DENND2A: variants seen among roughly 807,000 people sequenced by gnomAD.
DENND2A encodes the protein DENN domain containing 2A, also known as DENN domain-containing protein 2A.
Under a neutral mutation model 105.3 loss-of-function variants are expected in DENND2A, and 53 were observed. The ratio of observed to expected loss-of-function variants is 0.50; its 90% CI spans 0.40 to 0.63. DENND2A has a LOEUF of 0.63. Among genes scored for constraint, DENND2A ranks in the 30% least tolerant of loss-of-function variants. The pLI, the probability that DENND2A is intolerant of heterozygous loss-of-function variation, is 0.00. For missense variants in DENND2A, 1,138 were observed against 1,279.6 expected (o/e 0.89, Z 1.69); for synonymous variants, 522 against 508.4 (o/e 1.03, Z -0.36).
intron 2 of DENND2A, among the ~76,000 whole-genome samples, chr7:140,603,041 T>G (rs57570112): frequency 0.045 from 6,912 of 152,118 alleles, 325 homozygotes; most frequent in African/African-American, 0.12. Context: ...TCCCAGCACT[T>G]TGGGAGGCCG....
At chr7:140,533,184 G>C (rs1796328687) in intron 14 of DENND2A, among the ~76,000 whole-genome samples, 1 of 152,012 alleles carries the variant, frequency 6.6e-6, no homozygotes, top group Non-Finnish European at 1.5e-5. Context: ...GTAGAGACGG[G>C]ATTTCACCAT....
intron 3 of DENND2A, among the ~76,000 whole-genome samples, chr7:140,592,491 G>A (rs562494764): frequency 1.4e-4 from 21 of 152,182 alleles, no homozygotes; most frequent in Middle Eastern, 3.4e-3. Flanking sequence ...GATTACAGGT[G>A]AGAGCCACCA....
chr7:140,557,789 C>T (rs562324607), intron 11 of DENND2A, among the ~76,000 whole-genome samples: 118 of 151,150 alleles, frequency 7.8e-4, no homozygotes, highest in Admixed American at 1.5e-3. Context: ...CCGCCCGTCT[C>T]GGCCTCCCAA....
intron 1 of DENND2A, among the ~76,000 whole-genome samples, chr7:140,629,982 C>T (rs138827058): frequency 3.3e-5 from 5 of 151,916 alleles, no homozygotes; most frequent in African/African-American, 7.2e-5. Flanking sequence ...CTCAGCCTCC[C>T]GAGTAGCTGG....
At position 140,556,012 on chromosome 7, in the gene DENND2A, T is replaced by TTTTTG. The variant is rs538092279; in HGVS notation, c.1960-304_1960-300dup. On this transcript the variant is annotated intron_variant, in intron 11 of 19. Transcript: ENST00000496613. ...CAAAAAAAAATCAATCTCAATACTT[T>TTTTTG]TTTTGTTTTGTTTTGTTTTGTTTTG... Among the ~76,000 whole-genome samples, 9 of 152,230 alleles carry TTTTTG rather than the reference T, an allele frequency of 5.9e-5. 1 individual carries two copies. Among genetic ancestry groups the TTTTTG allele is most frequent in the Admixed American group, 1.3e-4 (2 of 15,268 alleles).
intron 12 of DENND2A, among the ~76,000 whole-genome samples, chr7:140,554,909 C>T (rs981221514): frequency 6.6e-6 from 1 of 152,188 alleles, no homozygotes; most frequent in Non-Finnish European, 1.5e-5. Context: ...CTCCACAAAA[C>T]TGTTATATAT....
chr7:140,531,244 C>T (rs1293070848), intron 14 of DENND2A, among the ~76,000 whole-genome samples: 1 of 152,186 alleles, frequency 6.6e-6, no homozygotes, highest in Non-Finnish European at 1.5e-5. Flanking sequence ...TAGGACTAAT[C>T]TATGTTGATG....
chr7:140,539,044 G>C (rs1394975210), intron 14 of DENND2A, among the ~76,000 whole-genome samples: 5 of 152,080 alleles, frequency 3.3e-5, no homozygotes, highest in Non-Finnish European at 7.4e-5. Context: ...GGCTGGTCTC[G>C]AACTCCTGGC....
rs1245894552 is a variant in DENND2A at position 140,564,965 on chromosome 7, G to A, written c.1779+2121C>T. Among the ~76,000 whole-genome samples the A allele has an allele frequency of 2.0e-5, 3 of 152,170 alleles. No homozygotes were observed. The East Asian group carries it at 5.8e-4, about 29-fold the overall frequency. ...AAATCTGGGCATACCTGTAGTAGTG[G>A]GGTGTCAGGAGCTCATTCCTTAGAG... On this transcript the variant is annotated intron_variant, in intron 9 of 19. Coordinates refer to ENST00000496613, the MANE Select transcript of DENND2A (RefSeq NM_015689.5).
In DENND2A at chr7:140,518,565, A is replaced by T; in HGVS notation, c.*142T>A. On this transcript the variant is annotated 3_prime_UTR_variant, in exon 20 of 20. Coordinates refer to ENST00000496613, the MANE Select transcript of DENND2A (RefSeq NM_015689.5). The stretch of plus-strand genomic sequence containing the variant: ...GCTCCCAGGTCCTCATCCAGGGAAG[A>T]GCCCAGCCTCGGCCAGAAGCCACCG... 1.3e-6 allele frequency: 1 copy of T among 776,012 alleles called. No individual in the cohort carries two copies. The highest frequency in any genetic ancestry group is 2.0e-6 in the Non-Finnish European group (1 of 495,386). The allele number at this position is 776,012 out of a possible 1,614,324, so 48.1% of individuals were successfully genotyped here. A position where few individuals can be genotyped will look rare whatever the true frequency, so the allele number is the denominator to read the frequency against.
chr7:140,532,991 C>CTTTTTT (rs3042406), intron 14 of DENND2A, among the ~76,000 whole-genome samples: 4 of 120,122 alleles, frequency 3.3e-5, no homozygotes, highest in African/African-American at 9.8e-5. Context: ...AGGCTACCTG[C>CTTTTTT]TTTTTTTTTT....
At chr7:140,585,489 G>A in intron 5 of DENND2A, 100 bp downstream of exon 5, 2 of 1,523,842 alleles carry the variant, frequency 1.3e-6, no homozygotes, top group Non-Finnish European at 9.0e-7. Context: ...CAGGGCAGGT[G>A]GAGGTGGCCT....
At chr7:140,587,407 C>T (rs985006566) in intron 4 of DENND2A, among the ~76,000 whole-genome samples, 1 of 152,162 alleles carries the variant, frequency 6.6e-6, no homozygotes, top group Non-Finnish European at 1.5e-5. Flanking sequence ...GCCACGCTGC[C>T]ACACTGCCTC....
chr7:140,559,567 C>T lies in DENND2A; in HGVS notation c.1889+141G>A. The T allele has an allele frequency of 1.6e-6, 1 of 628,348 alleles. No individual in the cohort carries two copies. The highest frequency in any genetic ancestry group is 2.7e-6 in the Non-Finnish European group (1 of 363,734). 38.9% of individuals were successfully genotyped at this position (628,348 alleles called of 1,614,324 possible). The stretch of plus-strand genomic sequence containing the variant: ...TTCACCTTCAGGGAAGCTTTAAAAA[C>T]ACCCCTTGGGGAAAGCTCTAGGCCA... On this transcript the variant is annotated intron_variant, in intron 10 of 19. Transcript: ENST00000496613. The surrounding 1 kb of genome is among the most constrained non-coding windows in gnomAD (Gnocchi z 4.1).
intron 16 of DENND2A, among the ~76,000 whole-genome samples, chr7:140,524,919 T>G (rs1408158312): frequency 4.8e-5 from 7 of 146,026 alleles, no homozygotes; most frequent in African/African-American, 1.8e-4. Flanking sequence ...GGAGTCTCGC[T>G]CTGTCGCCCA....
intron 3 of DENND2A, among the ~76,000 whole-genome samples, chr7:140,596,103 C>A (rs1799273958): frequency 6.6e-6 from 1 of 152,146 alleles, no homozygotes; most frequent in African/African-American, 2.4e-5. Context: ...GGATCTAAAC[C>A]CTAAATGTCA....
intron 11 of DENND2A, among the ~76,000 whole-genome samples, chr7:140,557,505 T>G (rs1337497032): frequency 1.3e-5 from 1 of 78,316 alleles, no homozygotes; most frequent in African/African-American, 3.5e-5. Flanking sequence ...TGTTTTATTT[T>G]TTAGTATATA....
intron 5 of DENND2A, among the ~76,000 whole-genome samples, chr7:140,574,982 T>C (rs1179801815): frequency 6.6e-6 from 1 of 152,104 alleles, no homozygotes; most frequent in Non-Finnish European, 1.5e-5. Flanking sequence ...ATCACGCCAC[T>C]GCACTCCAGC....
intron 6 of DENND2A, among the ~76,000 whole-genome samples, chr7:140,572,265 C>T (rs1460026348): frequency 1.3e-5 from 2 of 151,956 alleles, no homozygotes; most frequent in African/African-American, 4.8e-5. Context: ...TCTTGGCCTC[C>T]CAAAGTGCTG....
Sources: gnomAD v4.1 joint callset for allele counts (sites outside exome capture counted in the v4.1 genomes callset) on GRCh38, gnomAD v4.1.1 for gene constraint, Gnocchi (gnomAD v3.1) non-coding constraint, MANE v1.5 for transcripts, NCBI Gene and HGNC (gene_info 2026-07-23, HGNC 2026-07-21) for gene names.